PLXDC2: variants seen among roughly 807,000 people sequenced by gnomAD.
The protein encoded by PLXDC2 is plexin domain containing 2, also known as plexin domain-containing protein 2.
PLXDC2 carries 40 observed loss-of-function variants against 68.9 expected under a neutral mutation model. That is an observed-to-expected ratio of 0.58 (90% CI 0.45 to 0.76). The LOEUF is 0.76. Ranked by LOEUF, PLXDC2 falls within the 30% of genes least tolerant of loss-of-function variation. PLXDC2 has a pLI of 0.00. For synonymous variants in PLXDC2, 243 were observed against 234.2 expected (o/e 1.04, Z -0.34); for missense variants, 644 against 661.9 (o/e 0.97, Z 0.30).
chr10:19,949,533 A>C (rs1364829605), intron 1 of PLXDC2, among the ~76,000 whole-genome samples: 1 of 152,240 alleles, frequency 6.6e-6, no homozygotes, highest in African/African-American at 2.4e-5. Flanking sequence ...TGTGATAAAC[A>C]AGATTAACAT....
At chr10:19,836,315 A>G (rs898821279) in intron 1 of PLXDC2, among the ~76,000 whole-genome samples, 6 of 152,206 alleles carry the variant, frequency 3.9e-5, no homozygotes, top group African/African-American at 1.4e-4. Flanking sequence ...GAAGACAATC[A>G]GTAGGTGCAT....
intron 1 of PLXDC2, among the ~76,000 whole-genome samples, chr10:19,888,236 G>A (rs1339346329): frequency 3.3e-5 from 5 of 152,158 alleles, no homozygotes; most frequent in African/African-American, 9.7e-5. Context: ...TGAACTGGGT[G>A]GATCAAAGGT....
At chr10:19,868,902 T>C (rs1837477296) in intron 1 of PLXDC2, among the ~76,000 whole-genome samples, 1 of 152,228 alleles carries the variant, frequency 6.6e-6, no homozygotes, top group African/African-American at 2.4e-5. Context: ...AGTTAAAATA[T>C]GTAAGATATT....
chr10:19,867,613 A>T (rs1468930758), intron 1 of PLXDC2, among the ~76,000 whole-genome samples: 1 of 152,062 alleles, frequency 6.6e-6, no homozygotes. Context: ...TCTTGAAGGG[A>T]CTCACAATTT....
intron 1 of PLXDC2, among the ~76,000 whole-genome samples, chr10:19,940,619 A>G (rs1459910593): frequency 1.3e-5 from 2 of 152,038 alleles, no homozygotes; most frequent in Non-Finnish European, 2.9e-5. Flanking sequence ...AAAATAAATC[A>G]TCATTGTCTC....
At chr10:20,254,266 C>G (rs541250175) in intron 13 of PLXDC2, among the ~76,000 whole-genome samples, 1 of 152,220 alleles carries the variant, frequency 6.6e-6, no homozygotes, top group Non-Finnish European at 1.5e-5. Context: ...AATAGTACCA[C>G]CAGGAAACAA....
At position 20,164,500 on chromosome 10, in the gene PLXDC2, C is replaced by T; in HGVS notation, c.816C>T (p.Thr272=). Residue 272 remains threonine (T), a synonymous_variant, in exon 7 of 14, where the codon ACC becomes ACT. Transcript: ENST00000377252. ...TCTTGGTCACACAGATAAGTTCAAC[C>T]AATCATCCAGTGAAAGTCGGACTGT... ...IPVLVTQISS[T]NHPVKVGLSD... 6.2e-7 allele frequency: 1 copy of T among 1,613,640 alleles called. No individual in the cohort carries two copies. The highest frequency in any genetic ancestry group is 8.5e-7 in the Non-Finnish European group (1 of 1,179,746).
chr10:20,051,679 G>A (rs1835904277), intron 3 of PLXDC2, among the ~76,000 whole-genome samples: 1 of 151,698 alleles, frequency 6.6e-6, no homozygotes, highest in Admixed American at 6.6e-5. Flanking sequence ...GCTCTCCCGT[G>A]CTTTTATTTA....
chr10:20,018,035 T>C (rs946701808), intron 2 of PLXDC2, among the ~76,000 whole-genome samples: 1 of 152,232 alleles, frequency 6.6e-6, no homozygotes, highest in Non-Finnish European at 1.5e-5. Context: ...CCAGATCTCC[T>C]AGTTTCTCCA....
chr10:19,890,270 G>A (rs976479274), intron 1 of PLXDC2, among the ~76,000 whole-genome samples: 1 of 151,932 alleles, frequency 6.6e-6, no homozygotes, highest in African/African-American at 2.4e-5. Context: ...TTTAGATTCA[G>A]TGGGTATATG....
In PLXDC2 at chr10:20,060,519, G is replaced by GGCTGGGCTGGTC. The variant is rs1240576268; in HGVS notation, c.472-7643_472-7632dup. Among the ~76,000 whole-genome samples the GGCTGGGCTGGTC allele has an allele frequency of 6.0e-5, 9 of 150,726 alleles. No individual in the cohort carries two copies. In the South Asian group the frequency reaches 1.9e-3, roughly 32 times the overall value. On this transcript the variant is annotated intron_variant, in intron 3 of 13. Transcript: ENST00000377252. Reference sequence around the variant, plus strand: ...AAAAAAAAAAAAAAAAAGTCATTGAGGCTGGGCTGGTCGCTGGGCGAGCAG... The same window carrying GGCTGGGCTGGTC: ...AAAAAAAAAAAAAAAAAGTCATTGAGGCTGGGCTGGTCGCTGGGCTGGTCGCTGGGCGAGCAG...
intron 12 of PLXDC2, among the ~76,000 whole-genome samples, chr10:20,234,435 A>T (rs17780015): frequency 0.085 from 12,868 of 152,162 alleles, 622 homozygotes; most frequent in South Asian, 0.13. Flanking sequence ...CCATTTTCCT[A>T]AGCAGCGTGA....
chr10:19,904,093 G>A (rs536870175), intron 1 of PLXDC2, among the ~76,000 whole-genome samples: 11 of 152,090 alleles, frequency 7.2e-5, no homozygotes, highest in African/African-American at 2.7e-4. Flanking sequence ...GGCTTGTTTT[G>A]TGTCCTATCA....
chr10:20,250,788 G>T (rs1835665920), intron 13 of PLXDC2, among the ~76,000 whole-genome samples: 1 of 152,162 alleles, frequency 6.6e-6, no homozygotes, highest in African/African-American at 2.4e-5. Flanking sequence ...TGGTATAAAA[G>T]AACTTAGTAA....
chr10:20,126,889 T>C (rs1438137857), intron 4 of PLXDC2, among the ~76,000 whole-genome samples: 1 of 147,744 alleles, frequency 6.8e-6, no homozygotes, highest in African/African-American at 2.5e-5. Context: ...TGATATATAC[T>C]ATATAATATA....
At position 20,238,534 on chromosome 10, in the gene PLXDC2, C is replaced by T. The variant is rs144964977; in HGVS notation, c.1313-6811C>T. Among the ~76,000 whole-genome samples, 988 of 150,582 alleles carry T rather than the reference C, an allele frequency of 6.6e-3. 11 individuals carry two copies. Among genetic ancestry groups the T allele is most frequent in the African/African-American group, 0.022 (923 of 41,080 alleles). On this transcript the variant is annotated intron_variant, in intron 12 of 13. Transcript: ENST00000377252. ...TGGCAGCCCATGCCTGTAGTCCCAG[C>T]TACTCAGGAGGCTGAGGCAGGAGAA...
chr10:20,194,871 T>C (rs958255446), intron 9 of PLXDC2, among the ~76,000 whole-genome samples: 3 of 148,652 alleles, frequency 2.0e-5, no homozygotes, highest in African/African-American at 7.4e-5. Context: ...TTGTGAGCTT[T>C]GCTCAATTAC....
At chr10:19,861,514 C>T (rs1837319737) in intron 1 of PLXDC2, among the ~76,000 whole-genome samples, 1 of 152,132 alleles carries the variant, frequency 6.6e-6, no homozygotes, top group Non-Finnish European at 1.5e-5. Context: ...CTTTAATTAG[C>T]ACAACATTCC....
rs200038320 is a variant in PLXDC2 at position 20,050,725 on chromosome 10, CA to C, written c.471+3719del. Among the ~76,000 whole-genome samples the C allele has an allele frequency of 1.6e-3, 242 of 148,936 alleles. 3 individuals are homozygous for C. The highest frequency in any genetic ancestry group is 0.013 in the Admixed American group (189 of 14,898). ...AAAAAACAAAAACAAAACAAACAAA[CA>C]AAAAAAAACAGATGCTGGTGAGGCT... On this transcript the variant is annotated intron_variant, in intron 3 of 13. Transcript: ENST00000377252.
Sources: allele counts gnomAD v4.1 joint callset (sites outside exome capture counted in the v4.1 genomes callset), GRCh38; gene constraint gnomAD v4.1.1; transcripts MANE v1.5; gene names NCBI Gene and HGNC (gene_info 2026-07-23, HGNC 2026-07-21).